MRPL3: variants seen among roughly 807,000 people sequenced by gnomAD.
MRPL3 encodes mitochondrial ribosomal protein L3.
MRPL3 carries 43 observed loss-of-function variants against 44.3 expected under a neutral mutation model. That is an observed-to-expected ratio of 0.97 (90% CI 0.76 to 1.25). The LOEUF (loss-of-function observed/expected upper bound fraction) is 1.25. MRPL3 is among the 50% of genes most tolerant of loss of function. The pLI is 0.00. For missense variants in MRPL3, 406 were observed against 427.6 expected (o/e 0.95, Z 0.45); for synonymous variants, 171 against 152.3 (o/e 1.12, Z -0.91).
Position 131,487,736 on chromosome 3 carries a change from A to G in MRPL3, c.573T>C (p.Thr191=). The change falls in exon 6 of 10, where the codon ACT becomes ACC. Residue 191 remains threonine, a synonymous_variant. Coordinates refer to ENST00000264995, the MANE Select transcript of MRPL3 (RefSeq NM_007208.4). The part of the protein sequence containing the change: ...ITDNAAIKPG[T]PLYAAHFRPG... ...GACGAAAGTGAGCAGCATAAAGAGG[A>G]GTGCCTTTATGAAAAGAAAATGAAA... 2 of 1,608,832 alleles carry G rather than the reference A, an allele frequency of 1.2e-6. No homozygotes were observed. The highest frequency in any genetic ancestry group is 1.7e-5 in the Admixed American group (1 of 58,460).
At chr3:131,477,582 G>C (rs1933882141) in intron 6 of MRPL3, among the ~76,000 whole-genome samples, 1 of 152,108 alleles carries the variant, frequency 6.6e-6, no homozygotes, top group African/African-American at 2.4e-5. Flanking sequence ...CCATCATCCA[G>C]TGTTGAACAA....
chr3:131,498,306 C>A (rs1934413766), intron 3 of MRPL3, 29 bp from the exon 4 acceptor site: 1 of 1,391,124 alleles, frequency 7.2e-7, no homozygotes, highest in Non-Finnish European at 1.0e-6. Context: ...AAAAACTAAG[C>A]ATGTGCCAAT....
intron 6 of MRPL3, among the ~76,000 whole-genome samples, chr3:131,477,250 C>T (rs1933872806): frequency 6.6e-6 from 1 of 152,162 alleles, no homozygotes; most frequent in South Asian, 2.1e-4. Flanking sequence ...TGCTTTTAAA[C>T]CCATCCATTC....
chr3:131,486,439 G>GA (rs36174766), intron 6 of MRPL3, among the ~76,000 whole-genome samples: 84,245 of 132,976 alleles, frequency 0.63, 26,702 homozygotes, highest in African/African-American at 0.74. Flanking sequence ...CAGAATGGGA[G>GA]AAAAATTTTT....
At chr3:131,498,865 G>C (rs1162165633) in intron 3 of MRPL3, among the ~76,000 whole-genome samples, 2 of 152,044 alleles carry the variant, frequency 1.3e-5, no homozygotes, top group East Asian at 3.9e-4. Context: ...TTTTACCCAA[G>C]AGCAGGAGTT....
chr3:131,500,146 C>T (rs1934461780), intron 3 of MRPL3, among the ~76,000 whole-genome samples: 1 of 151,790 alleles, frequency 6.6e-6, no homozygotes, highest in East Asian at 1.9e-4. Context: ...GATTTTTTTC[C>T]AATTATGAAG....
intron 6 of MRPL3, chr3:131,479,113 G>C (rs750142769): frequency 3.9e-6 from 2 of 517,008 alleles, no homozygotes; most frequent in East Asian, 1.1e-4. Context: ...TTAGAGTCCT[G>C]CAATTTATCC....
At chr3:131,488,419 A>G (rs1934178130) in intron 5 of MRPL3, among the ~76,000 whole-genome samples, 1 of 152,152 alleles carries the variant, frequency 6.6e-6, no homozygotes, top group African/African-American at 2.4e-5. Context: ...AAAAGTTTTA[A>G]ATTTTGTGAT....
At chr3:131,497,522 C>T (rs988526090) in intron 4 of MRPL3, among the ~76,000 whole-genome samples, 4 of 151,804 alleles carry the variant, frequency 2.6e-5, no homozygotes, top group African/African-American at 9.7e-5. Context: ...TTATAGTAAA[C>T]CTAAAGATGT....
intron 8 of MRPL3, among the ~76,000 whole-genome samples, chr3:131,468,838 T>G (rs1421443241): frequency 3.9e-5 from 6 of 152,072 alleles, no homozygotes; most frequent in Non-Finnish European, 7.4e-5. Flanking sequence ...ATATAAAATT[T>G]GAAAACTTCT....
At chr3:131,489,009 G>T (rs1934190238) in intron 5 of MRPL3, among the ~76,000 whole-genome samples, 1 of 151,766 alleles carries the variant, frequency 6.6e-6, no homozygotes, top group African/African-American at 2.4e-5. Flanking sequence ...TGTATGATTT[G>T]AGCTACAGCA....
chr3:131,480,158 A>G (rs1376132443), intron 6 of MRPL3, among the ~76,000 whole-genome samples: 1 of 152,260 alleles, frequency 6.6e-6, no homozygotes, highest in Non-Finnish European at 1.5e-5. Context: ...ATCTTTTACT[A>G]TAGCTTCTCC....
chr3:131,473,135 G>C (rs945674115), intron 6 of MRPL3, among the ~76,000 whole-genome samples: 6 of 152,118 alleles, frequency 3.9e-5, no homozygotes, highest in African/African-American at 1.4e-4. Flanking sequence ...AAAAGCTGGA[G>C]ACATCATACT....
intron 2 of MRPL3, 41 bp downstream of exon 2, chr3:131,501,490 G>C (rs1287272251): frequency 6.7e-7 from 1 of 1,491,460 alleles, no homozygotes; most frequent in Non-Finnish European, 9.3e-7. Flanking sequence ...CAGCCACACA[G>C]TAATTAGGAA....
intron 6 of MRPL3, among the ~76,000 whole-genome samples, chr3:131,481,601 G>A (rs1249070214): frequency 2.6e-5 from 4 of 152,164 alleles, no homozygotes; most frequent in Non-Finnish European, 5.9e-5. Flanking sequence ...TAATTTTGCT[G>A]AGCTTGAGTA....
chr3:131,478,278 A>G (rs902596615), intron 6 of MRPL3, among the ~76,000 whole-genome samples: 1 of 152,200 alleles, frequency 6.6e-6, no homozygotes, highest in Non-Finnish European at 1.5e-5. Flanking sequence ...CAGATGTACC[A>G]ACCATATCCA....
intron 4 of MRPL3, among the ~76,000 whole-genome samples, chr3:131,494,275 T>C (rs1245051214): frequency 6.6e-6 from 1 of 152,222 alleles, no homozygotes; most frequent in Non-Finnish European, 1.5e-5. Flanking sequence ...TTTTATTTCC[T>C]ACACGCTGAA....
intron 4 of MRPL3, among the ~76,000 whole-genome samples, chr3:131,491,280 G>A (rs1934250451): frequency 6.6e-6 from 1 of 152,030 alleles, no homozygotes; most frequent in Admixed American, 6.6e-5. Flanking sequence ...CAACCACACT[G>A]GTTGATACTC....
chr3:131,494,776 A>G (rs1934330442), intron 4 of MRPL3, among the ~76,000 whole-genome samples: 1 of 152,208 alleles, frequency 6.6e-6, no homozygotes, highest in African/African-American at 2.4e-5. Flanking sequence ...TAGAGTTAAA[A>G]CCAGAAGCAA....
Sources: allele counts gnomAD v4.1 joint callset (sites outside exome capture counted in the v4.1 genomes callset), GRCh38; gene constraint gnomAD v4.1.1; transcripts MANE v1.5; gene names NCBI Gene and HGNC (gene_info 2026-07-23, HGNC 2026-07-21).